TMTC1: variants seen among roughly 807,000 people sequenced by gnomAD.
TMTC1 encodes the protein protein O-mannosyl-transferase TMTC1.
A neutral mutation model predicts 104.8 loss-of-function variants in TMTC1; 73 were observed. The observed-to-expected ratio is 0.70, with a 90% CI of 0.58 to 0.85. The LOEUF (loss-of-function observed/expected upper bound fraction) is 0.85, where lower values mean the gene tolerates loss of function less well. Ranked by LOEUF, TMTC1 falls within the 40% of genes least tolerant of loss-of-function variation. The pLI is 0.00. For synonymous variants in TMTC1, 434 were observed against 428.7 expected (o/e 1.01, Z -0.15); for missense variants, 1,035 against 1,096.1 (o/e 0.94, Z 0.79).
In TMTC1 at chr12:29,506,992, G is replaced by A. The variant is rs1943709393; in HGVS notation, c.2509-6C>T. ...CTTGCAGACACATATTTTCCCTGGG[G>A]GTGGGAAAGAGGGAGCAATTACATT... On this transcript the variant is annotated splice_region_variant and splice_polypyrimidine_tract_variant and intron_variant, in intron 17 of 17. Transcript: ENST00000539277. The A allele has an allele frequency of 2.5e-6, 4 of 1,612,350 alleles. No individual in the cohort carries two copies. The East Asian group carries it at 8.9e-5, about 36-fold the overall frequency.
intron 7 of TMTC1, among the ~76,000 whole-genome samples, chr12:29,594,670 A>T (rs1217740180): frequency 6.6e-6 from 1 of 152,228 alleles, no homozygotes. Flanking sequence ...GATGAACAAG[A>T]GGCTGAAATG....
intron 2 of TMTC1, among the ~76,000 whole-genome samples, 159 bp from the exon 3 acceptor site, chr12:29,758,936 C>A (rs1361486818): frequency 6.6e-6 from 1 of 151,960 alleles, no homozygotes; most frequent in African/African-American, 2.4e-5. Flanking sequence ...TGGCTAAGCA[C>A]CTCTGATTAT....
rs1278238889 is a variant in TMTC1 at position 29,660,895 on chromosome 12, GA to G, written c.939-27560del. On this transcript the variant is annotated intron_variant, in intron 5 of 17. Coordinates refer to ENST00000539277, the MANE Select transcript of TMTC1 (RefSeq NM_001193451.2). ...GCTTGCTCTCAGATACCTAAAACGG[GA>G]AAGAAAAAAAATCTTAGATAAGTGT... 6.8e-6 allele frequency: 10 copies of G among 1,475,960 alleles called. No homozygotes were observed. In the South Asian group the frequency reaches 1.3e-4, roughly 20 times the overall value. 91.4% of individuals were successfully genotyped at this position (1,475,960 alleles called of 1,614,324 possible).
At chr12:29,591,122 C>T (rs540058269) in intron 7 of TMTC1, among the ~76,000 whole-genome samples, 4 of 152,262 alleles carry the variant, frequency 2.6e-5, no homozygotes, top group South Asian at 4.1e-4. Flanking sequence ...ATAATCTCTA[C>T]TTAGGTTTGC....
chr12:29,758,717 G>A lies in TMTC1; in HGVS notation c.541C>T (p.Leu181Phe). The stretch of plus-strand genomic sequence containing the variant: ...AGCTACACATACCTGTTGTACGAGA[G>A]AAAGGCCAATAGAAACAGCAGACAC... The part of the protein sequence containing the change: ...LACLLFLLAF[L>F]SYNRSLDQGC... The change falls in exon 3 of 18, where the codon CTC becomes TTC. Residue 181 changes from leucine (L) to phenylalanine (F), a missense_variant. Physicochemically the swap from Leu to Phe is conservative, Grantham distance 22. Coordinates refer to ENST00000539277, the MANE Select transcript of TMTC1 (RefSeq NM_001193451.2). 1 of 1,613,746 alleles carries A rather than the reference G, an allele frequency of 6.2e-7. No homozygotes were observed. The highest frequency in any genetic ancestry group is 8.5e-7 in the Non-Finnish European group (1 of 1,179,844).
intron 5 of TMTC1, among the ~76,000 whole-genome samples, chr12:29,711,569 T>C (rs1941927771): frequency 6.6e-6 from 1 of 152,146 alleles, no homozygotes; most frequent in African/African-American, 2.4e-5. Context: ...ATTTCTAACA[T>C]TGTTATAACA....
intron 6 of TMTC1, among the ~76,000 whole-genome samples, chr12:29,607,060 T>C (rs1946721347): frequency 6.7e-6 from 1 of 149,746 alleles, no homozygotes; most frequent in Non-Finnish European, 1.5e-5. Context: ...GGGGGGAGAG[T>C]CAAGGAGCGA....
chr12:29,779,014 G>A (rs1009560843), intron 1 of TMTC1, among the ~76,000 whole-genome samples: 1 of 152,206 alleles, frequency 6.6e-6, no homozygotes, highest in South Asian at 2.1e-4. Flanking sequence ...CTGCCTTTAA[G>A]GCTCCAACTT....
intron 5 of TMTC1, among the ~76,000 whole-genome samples, chr12:29,677,936 C>T (rs1170791599): frequency 1.3e-5 from 2 of 152,190 alleles, no homozygotes; most frequent in East Asian, 3.8e-4. Flanking sequence ...TAAACTTCAT[C>T]ACAGGTATGT....
intron 5 of TMTC1, among the ~76,000 whole-genome samples, chr12:29,687,745 C>T (rs1941140152): frequency 6.6e-6 from 1 of 152,166 alleles, no homozygotes; most frequent in South Asian, 2.1e-4. Flanking sequence ...AGGGTTGGTG[C>T]CTGGTGAGGG....
At chr12:29,565,623 G>A (rs1250884256) in intron 9 of TMTC1, among the ~76,000 whole-genome samples, 1 of 152,160 alleles carries the variant, frequency 6.6e-6, no homozygotes, top group Non-Finnish European at 1.5e-5. Flanking sequence ...AAGATGGGTG[G>A]ATCACATGAG....
chr12:29,749,506 T>C (rs1194584713), intron 5 of TMTC1, among the ~76,000 whole-genome samples: 1 of 152,180 alleles, frequency 6.6e-6, no homozygotes, highest in Non-Finnish European at 1.5e-5. Context: ...GCCTAGCTTC[T>C]GTCCCACCTT....
chr12:29,553,019 A>G (rs1280920306), intron 10 of TMTC1, among the ~76,000 whole-genome samples: 1 of 152,240 alleles, frequency 6.6e-6, no homozygotes, highest in East Asian at 1.9e-4. Context: ...TCTGTTACTT[A>G]GCAACATAAC....
chr12:29,536,111 T>C (rs2136201162), intron 11 of TMTC1, 98 bp downstream of exon 11: 1 of 829,502 alleles, frequency 1.2e-6, no homozygotes, highest in South Asian at 1.5e-5. Context: ...TTGTCCAATA[T>C]GGGTTTACAA....
intron 5 of TMTC1, among the ~76,000 whole-genome samples, chr12:29,746,407 A>G (rs1942957082): frequency 6.6e-6 from 1 of 152,176 alleles, no homozygotes. Flanking sequence ...TGCAAATCTC[A>G]TATCACTAGC....
intron 6 of TMTC1, among the ~76,000 whole-genome samples, chr12:29,605,933 G>C (rs1946686828): frequency 6.6e-6 from 1 of 152,062 alleles, no homozygotes; most frequent in Non-Finnish European, 1.5e-5. Context: ...CCAAGGTTTA[G>C]CTCCCACTTA....
intron 8 of TMTC1, among the ~76,000 whole-genome samples, chr12:29,580,298 G>A (rs1945942574): frequency 6.6e-6 from 1 of 152,124 alleles, no homozygotes; most frequent in South Asian, 2.1e-4. Flanking sequence ...CAGCCTGGGT[G>A]ACAGAGTGAG....
chr12:29,574,075 T>C (rs1945755124), intron 8 of TMTC1, among the ~76,000 whole-genome samples: 1 of 151,768 alleles, frequency 6.6e-6, no homozygotes, highest in South Asian at 2.1e-4. Context: ...GCAGGGGCCA[T>C]AGGGAGGAAC....
chr12:29,602,443 C>T (rs958078932), intron 7 of TMTC1, among the ~76,000 whole-genome samples: 31 of 152,176 alleles, frequency 2.0e-4, no homozygotes, highest in Admixed American at 1.3e-3. Flanking sequence ...GGCCCTATAA[C>T]GGTTTCATTT....
Sources: gnomAD v4.1 joint callset for allele counts (sites outside exome capture counted in the v4.1 genomes callset) on GRCh38, gnomAD v4.1.1 for gene constraint, MANE v1.5 for transcripts, NCBI Gene and HGNC (gene_info 2026-07-23, HGNC 2026-07-21) for gene names.